Variants in COL21A1 observed in about 807,000 individuals in gnomAD.
COL21A1 encodes collagen type XXI alpha 1 chain.
In COL21A1, 149 loss-of-function variants were observed where a neutral mutation model predicts 137.9. The observed-to-expected ratio is 1.08, with a 90% CI of 0.95 to 1.24. COL21A1 has a LOEUF of 1.24. Among genes scored for constraint, COL21A1 ranks in the 50% most tolerant of loss-of-function variants. The pLI is 0.00. For synonymous variants in COL21A1, 456 were observed against 391.5 expected (o/e 1.16, Z -1.95); for missense variants, 1,167 against 1,158.4 (o/e 1.01, Z -0.11).
intron 1 of COL21A1, among the ~76,000 whole-genome samples, chr6:56,363,827 T>G (rs1766032725): frequency 6.6e-6 from 1 of 152,282 alleles, no homozygotes; most frequent in South Asian, 2.1e-4. Flanking sequence ...GTGCCTTCCT[T>G]GGAAGAGAAC....
At chr6:56,343,033 A>G (rs1275404481) in intron 1 of COL21A1, among the ~76,000 whole-genome samples, 1 of 152,188 alleles carries the variant, frequency 6.6e-6, no homozygotes, top group Non-Finnish European at 1.5e-5. Context: ...TCTTTATGTG[A>G]GCAGAATCCT....
intron 5 of COL21A1, 142 bp from the exon 6 acceptor site, chr6:56,168,439 G>GGATCAGGGTGA: frequency 1.9e-6 from 1 of 537,798 alleles, no homozygotes; most frequent in Non-Finnish European, 2.9e-6. Context: ...AATTCACCCT[G>GGATCAGGGTGA]ATCCAAGGTG....
intron 1 of COL21A1, among the ~76,000 whole-genome samples, chr6:56,364,683 C>G (rs1766056167): frequency 6.6e-6 from 1 of 151,956 alleles, no homozygotes; most frequent in African/African-American, 2.4e-5. Flanking sequence ...TTTACTTCTC[C>G]CTCAGTAAAG....
chr6:56,314,625 C>G (rs1161164571), intron 1 of COL21A1, among the ~76,000 whole-genome samples: 1 of 152,110 alleles, frequency 6.6e-6, no homozygotes, highest in African/African-American at 2.4e-5. Flanking sequence ...TTATTCCATT[C>G]CTAACATTAT....
chr6:56,220,977 A>T (rs1780790651), intron 1 of COL21A1, among the ~76,000 whole-genome samples: 1 of 152,104 alleles, frequency 6.6e-6, no homozygotes, highest in South Asian at 2.1e-4. Context: ...ATTCAATTCC[A>T]TTCTTAAGGG....
intron 1 of COL21A1, among the ~76,000 whole-genome samples, chr6:56,220,479 A>C (rs1780761025): frequency 6.6e-6 from 1 of 152,158 alleles, no homozygotes; most frequent in East Asian, 1.9e-4. Context: ...CTCACCTAAA[A>C]TTTCTTAACT....
chr6:56,223,864 T>C (rs1188912971), intron 1 of COL21A1, among the ~76,000 whole-genome samples: 1 of 152,106 alleles, frequency 6.6e-6, no homozygotes, highest in Non-Finnish European at 1.5e-5. Flanking sequence ...CATTTTATTT[T>C]ATTTTTTTAA....
At chr6:56,301,734 A>G (rs1176876364) in intron 1 of COL21A1, among the ~76,000 whole-genome samples, 1 of 151,976 alleles carries the variant, frequency 6.6e-6, no homozygotes, top group Non-Finnish European at 1.5e-5. Context: ...TTATACTTTA[A>G]GTTTTAGGGT....
intron 21 of COL21A1, 63 bp downstream of exon 21, chr6:56,070,682 A>G: frequency 8.9e-7 from 1 of 1,122,316 alleles, no homozygotes; most frequent in Non-Finnish European, 1.3e-6. Context: ...TAATTTTCTT[A>G]AATAATGAGG....
At chr6:56,255,997 G>A (rs1582735779) in intron 1 of COL21A1, among the ~76,000 whole-genome samples, 1 of 152,192 alleles carries the variant, frequency 6.6e-6, no homozygotes, top group Non-Finnish European at 1.5e-5. Context: ...GATTGCTGAA[G>A]TCTAAGGATA....
At chr6:56,244,024 G>C (rs1782501524) in intron 1 of COL21A1, among the ~76,000 whole-genome samples, 1 of 152,154 alleles carries the variant, frequency 6.6e-6, no homozygotes, top group Non-Finnish European at 1.5e-5. Flanking sequence ...TCCATTTCCT[G>C]TGATAGGCCT....
At chr6:56,248,411 A>T (rs537523551), upstream of COL21A1, among the ~76,000 whole-genome samples, 2 of 152,332 alleles carry the variant, frequency 1.3e-5, no homozygotes, top group East Asian at 3.9e-4. Context: ...ACTTTGAGAC[A>T]CTTTGAGAGT....
At chr6:56,295,712 A>G (rs1228804205) in intron 1 of COL21A1, among the ~76,000 whole-genome samples, 1 of 151,880 alleles carries the variant, frequency 6.6e-6, no homozygotes, top group South Asian at 2.1e-4. Context: ...GAATAGTATT[A>G]TATTTTTAAC....
intron 1 of COL21A1, among the ~76,000 whole-genome samples, chr6:56,254,473 A>C (rs1025076299): frequency 2.0e-5 from 3 of 152,240 alleles, no homozygotes; most frequent in Non-Finnish European, 2.9e-5. Flanking sequence ...ATAGAGGTTT[A>C]TCAACAAGGA....
intron 1 of COL21A1, among the ~76,000 whole-genome samples, chr6:56,359,918 T>C (rs1033561158): frequency 2.0e-5 from 3 of 151,982 alleles, no homozygotes; most frequent in African/African-American, 4.8e-5. Context: ...CTGCAAAGAG[T>C]CATTGCAAAC....
intron 1 of COL21A1, among the ~76,000 whole-genome samples, chr6:56,334,363 C>T (rs11968872): frequency 0.043 from 6,505 of 152,100 alleles, 176 homozygotes; most frequent in East Asian, 0.093. Context: ...CCTTAGAGCA[C>T]GTCTGTGGAG....
intron 16 of COL21A1, among the ~76,000 whole-genome samples, chr6:56,120,422 A>T (rs1355029877): frequency 6.6e-6 from 1 of 152,234 alleles, no homozygotes; most frequent in Non-Finnish European, 1.5e-5. Flanking sequence ...GATGTGGAGA[A>T]AAGGGAACAC....
At chr6:56,128,438 C>G (rs1773225641) in intron 12 of COL21A1, among the ~76,000 whole-genome samples, 1 of 152,128 alleles carries the variant, frequency 6.6e-6, no homozygotes, top group African/African-American at 2.4e-5. Flanking sequence ...AGGAGAATCT[C>G]TCCGTGGGTA....
intron 23 of COL21A1, among the ~76,000 whole-genome samples, chr6:56,065,011 A>C (rs1042442904): frequency 1.3e-5 from 2 of 152,122 alleles, no homozygotes; most frequent in Admixed American, 6.6e-5. Context: ...TGAGGACAAG[A>C]AGATCTCTTT....
Sources: gnomAD v4.1 joint callset for allele counts (sites outside exome capture counted in the v4.1 genomes callset) on GRCh38, gnomAD v4.1.1 for gene constraint, MANE v1.5 for transcripts, NCBI Gene and HGNC (gene_info 2026-07-23, HGNC 2026-07-21) for gene names.